The following E2F7 variants were observed in gnomAD, a reference collection of about 807,000 sequenced individuals.
E2F7 encodes the protein E2F transcription factor 7.
In E2F7, 35 loss-of-function variants were observed where a neutral mutation model predicts 81.1. The observed-to-expected ratio is 0.43, with a 90% CI of 0.33 to 0.57. The LOEUF is 0.57. Ranked by LOEUF, E2F7 falls within the 20% of genes least tolerant of loss-of-function variation. The probability of loss-of-function intolerance (pLI) is 0.04; values close to 1 mark genes in which losing one functional copy is unlikely to be tolerated. For missense variants in E2F7, 961 were observed against 1,093.7 expected (o/e 0.88, Z 1.71); for synonymous variants, 416 against 416.2 (o/e 1.00, Z 0.01).
At chr12:77,056,196 G>T in intron 2 of E2F7, 66 bp from the exon 3 acceptor site, 1 of 1,453,054 alleles carries the variant, frequency 6.9e-7, no homozygotes, top group East Asian at 2.3e-5. Context: ...AGTATACTTT[G>T]TTCCCACCAT....
At chr12:77,045,967 C>T in intron 5 of E2F7, 71 bp downstream of exon 5, 2 of 1,544,190 alleles carry the variant, frequency 1.3e-6, no homozygotes, top group Non-Finnish European at 8.8e-7. Flanking sequence ...CCCATCTGAG[C>T]AGTGAATCTG....
At chr12:77,041,187 C>G (rs1954892009) in intron 7 of E2F7, among the ~76,000 whole-genome samples, 1 of 152,258 alleles carries the variant, frequency 6.6e-6, no homozygotes, top group South Asian at 2.1e-4. Context: ...CATCTTCCAG[C>G]TATCTTACTT....
At chr12:77,063,476 A>C (rs1955093903) in intron 2 of E2F7, among the ~76,000 whole-genome samples, 1 of 152,178 alleles carries the variant, frequency 6.6e-6, no homozygotes, top group South Asian at 2.1e-4. Context: ...AAAGGCACTA[A>C]ATTTGGGGGT....
At chr12:77,060,177 A>G (rs1399697488) in intron 2 of E2F7, among the ~76,000 whole-genome samples, 3 of 152,044 alleles carry the variant, frequency 2.0e-5, no homozygotes, top group African/African-American at 7.2e-5. Context: ...TCTGGGTAAG[A>G]TCTGCTTCAG....
chr12:77,033,967 C>T lies in E2F7; in HGVS notation c.1199G>A (p.Cys400Tyr), dbSNP rs1274558434. The T allele has an allele frequency of 2.5e-6, 4 of 1,614,250 alleles. No homozygotes were observed. In the South Asian group the frequency reaches 3.3e-5, roughly 13 times the overall value. ...KRETYGQIQV[C>Y]AKQKLARHGS... ...ATGGCGAGCCAGCTTCTGTTTTGCA[C>T]AGACTTGAATCTGGCCATATGTTTC... The change falls in exon 8 of 13, where the codon TGT (cysteine) becomes TAT (tyrosine). Residue 400 changes from cysteine to tyrosine, a missense_variant. This residue lies in a region of E2F7 where 587 missense variants were observed against 620.3 expected (regional missense o/e 0.95). Coordinates refer to ENST00000322886, the MANE Select transcript of E2F7 (RefSeq NM_203394.3).
intron 7 of E2F7, 61 bp from the exon 8 acceptor site, chr12:77,034,103 CTATT>C: frequency 1.4e-6 from 2 of 1,475,464 alleles, no homozygotes; most frequent in Non-Finnish European, 1.8e-6. Context: ...TAATTTTCGT[CTATT>C]TAAGAGATGG....
intron 7 of E2F7, among the ~76,000 whole-genome samples, chr12:77,038,721 TAACTC>T (rs1196305982): frequency 3.3e-5 from 5 of 152,162 alleles, no homozygotes; most frequent in African/African-American, 1.2e-4. Flanking sequence ...AACTCAAAGT[TAACTC>T]AAAGTTAAAG....
chr12:77,064,576 A>G lies in E2F7; in HGVS notation c.60T>C (p.Asp20=), dbSNP rs1376534402. The stretch of plus-strand genomic sequence containing the variant: ...CATTTTCCCCATCTTCAACTGCAAA[A>G]TCTAGTCTGGGCTGCCTGGGGCTGA... ...DLISPRQPRL[D]FAVEDGENAQ... is the part of the protein sequence containing the mutation. The change falls in exon 2 of 13, where the codon GAT becomes GAC. Residue 20 remains aspartate, a synonymous_variant. Coordinates refer to ENST00000322886, the MANE Select transcript of E2F7 (RefSeq NM_203394.3). 1 of 1,614,156 alleles carries G rather than the reference A, an allele frequency of 6.2e-7. No homozygotes were observed. Among genetic ancestry groups the G allele is most frequent in the South Asian group, 1.1e-5 (1 of 91,074 alleles).
chr12:77,043,415 C>T (rs1354853384), intron 6 of E2F7, among the ~76,000 whole-genome samples: 1 of 152,030 alleles, frequency 6.6e-6, no homozygotes, highest in Non-Finnish European at 1.5e-5. Flanking sequence ...CCTTCCATTT[C>T]CACAACTTCA....
chr12:77,027,998 A>C lies in E2F7; in HGVS notation c.2025T>G (p.Val675=), dbSNP rs35158210. Residue 675 remains valine (V), a synonymous_variant, in exon 11 of 13, where the codon GTT becomes GTG. Transcript: ENST00000322886. ...TTGAAGGATTTCCCCACTCAGAAGA[A>C]ACAAGAGAGTTTGCTGTTGCCTTTC... is the stretch of plus-strand genomic sequence containing the variant. The part of the protein sequence containing the change: ...ISGKATANSL[V]SSEWGNPSRN... 24,830 of 1,614,124 alleles carry C rather than the reference A, an allele frequency of 0.015. 808 individuals are homozygous for C. Among genetic ancestry groups the C allele is most frequent in the African/African-American group, 0.14 (10,240 of 74,996 alleles).
At chr12:77,039,183 C>T (rs902564295) in intron 7 of E2F7, among the ~76,000 whole-genome samples, 1 of 152,172 alleles carries the variant, frequency 6.6e-6, no homozygotes, top group African/African-American at 2.4e-5. Context: ...CCTCCCATCC[C>T]CTCAGAAAAG....
At chr12:77,028,627 C>T (rs549958743) in intron 10 of E2F7, among the ~76,000 whole-genome samples, 6 of 152,034 alleles carry the variant, frequency 3.9e-5, no homozygotes, top group African/African-American at 1.5e-4. Context: ...GCCACCACAC[C>T]CAGCTAATTT....
chr12:77,024,471 C>A lies in E2F7; in HGVS notation c.2566-286G>T, dbSNP rs114623423. Among the ~76,000 whole-genome samples, 1,134 of 152,266 alleles carry A rather than the reference C, an allele frequency of 7.4e-3. 14 individuals carry two copies. Among genetic ancestry groups the A allele is most frequent in the African/African-American group, 0.026 (1,071 of 41,546 alleles). ...CACTGTGGACAAGTTACTTAAGCAA[C>A]CTGTCCCTCAGTTTCTTCCTCCATC... On this transcript the variant is annotated intron_variant, in intron 12 of 12. Transcript: ENST00000322886.
intron 6 of E2F7, chr12:77,044,349 A>T: frequency 1.9e-6 from 1 of 524,916 alleles, no homozygotes; most frequent in South Asian, 1.6e-5. Flanking sequence ...GCAATACTAA[A>T]GAGAAATGCA....
At chr12:77,051,653 A>T (rs894749531) in intron 3 of E2F7, among the ~76,000 whole-genome samples, 1 of 152,222 alleles carries the variant, frequency 6.6e-6, no homozygotes, top group Admixed American at 6.5e-5. Context: ...ACAATTAAAA[A>T]AACCTAGGAA....
chr12:77,064,922 T>G (rs1742439601), intron 1 of E2F7, among the ~76,000 whole-genome samples: 1 of 152,106 alleles, frequency 6.6e-6, no homozygotes, highest in Admixed American at 6.5e-5. Context: ...AGTTACCAAG[T>G]CGGAAGGGTG....
chr12:77,050,478 T>C (rs1954977417), intron 4 of E2F7, 98 bp downstream of exon 4: 3 of 1,280,264 alleles, frequency 2.3e-6, no homozygotes, highest in East Asian at 4.7e-5. Context: ...TTCACCCGAT[T>C]GAGGGGCCCA....
chr12:77,058,642 C>T (rs1165539292), intron 2 of E2F7, among the ~76,000 whole-genome samples: 1 of 152,132 alleles, frequency 6.6e-6, no homozygotes, highest in African/African-American at 2.4e-5. Context: ...TGGCAAGTTC[C>T]TGTACCTCAC....
intron 9 of E2F7, among the ~76,000 whole-genome samples, chr12:77,032,431 T>C (rs1954814821): frequency 1.3e-5 from 2 of 152,246 alleles, no homozygotes; most frequent in African/African-American, 4.8e-5. Context: ...CATCTGTTGT[T>C]AAACACTTTT....
Sources: allele counts gnomAD v4.1 joint callset (sites outside exome capture counted in the v4.1 genomes callset), GRCh38; gene constraint gnomAD v4.1.1; regional missense constraint gnomAD v4.1.1; transcripts MANE v1.5; gene names NCBI Gene and HGNC (gene_info 2026-07-23, HGNC 2026-07-21).